Variants in ADK observed in about 807,000 individuals in gnomAD.
ADK encodes the protein adenosine kinase.
In ADK, 24 loss-of-function variants were observed where a neutral mutation model predicts 44.7. The ratio of observed to expected loss-of-function variants is 0.54; its 90% CI spans 0.39 to 0.76. ADK has a LOEUF of 0.76. ADK is among the 30% of genes least tolerant of loss of function. The pLI is 0.00. For synonymous variants in ADK, 128 were observed against 142.6 expected (o/e 0.90, Z 0.73); for missense variants, 321 against 425.1 (o/e 0.76, Z 2.15).
chr10:74,441,957 GTCCCTAATCA>G (rs1425661014), intron 6 of ADK, among the ~76,000 whole-genome samples: 1 of 152,062 alleles, frequency 6.6e-6, no homozygotes, highest in Non-Finnish European at 1.5e-5. Flanking sequence ...CATGTGCAGT[GTCCCTAATCA>G]TCAAAGAAAT....
intron 7 of ADK, among the ~76,000 whole-genome samples, chr10:74,546,861 G>A (rs1337287597): frequency 4.0e-5 from 6 of 151,884 alleles, no homozygotes; most frequent in African/African-American, 1.2e-4. Context: ...ACCTTTAAGC[G>A]ATTTTTTAAA....
chr10:74,442,692 G>A (rs1845462451), intron 6 of ADK, among the ~76,000 whole-genome samples: 1 of 152,134 alleles, frequency 6.6e-6, no homozygotes, highest in Admixed American at 6.6e-5. Flanking sequence ...AAATCAGTAT[G>A]TTGAAGAGAT....
intron 9 of ADK, among the ~76,000 whole-genome samples, chr10:74,649,418 G>C (rs1854175841): frequency 1.3e-5 from 2 of 151,900 alleles, no homozygotes; most frequent in South Asian, 4.2e-4. Flanking sequence ...TTGGGCCCAG[G>C]AGTTCAAGAC....
intron 6 of ADK, among the ~76,000 whole-genome samples, chr10:74,406,355 T>G (rs1305255152): frequency 6.6e-6 from 1 of 152,138 alleles, no homozygotes; most frequent in Non-Finnish European, 1.5e-5. Flanking sequence ...AAGATGTTTA[T>G]CACTGATTTT....
At chr10:74,663,264 T>C (rs1854821025) in intron 9 of ADK, among the ~76,000 whole-genome samples, 1 of 149,524 alleles carries the variant, frequency 6.7e-6, no homozygotes, top group Admixed American at 6.7e-5. Context: ...TATATATATA[T>C]ATATGTATCT....
At chr10:74,452,194 A>C (rs1398588838) in intron 6 of ADK, among the ~76,000 whole-genome samples, 1 of 151,934 alleles carries the variant, frequency 6.6e-6, no homozygotes, top group Non-Finnish European at 1.5e-5. Flanking sequence ...TAAATAAATG[A>C]ATTTTGAATT....
intron 7 of ADK, among the ~76,000 whole-genome samples, chr10:74,577,100 T>A (rs1191676806): frequency 7.0e-6 from 1 of 142,876 alleles, no homozygotes; most frequent in Non-Finnish European, 1.5e-5. Flanking sequence ...TAGTGTTTTG[T>A]ATTATTTCTC....
intron 9 of ADK, among the ~76,000 whole-genome samples, chr10:74,659,541 C>T (rs1383646847): frequency 6.6e-6 from 1 of 152,182 alleles, no homozygotes; most frequent in Non-Finnish European, 1.5e-5. Flanking sequence ...CCTGAATCTC[C>T]TATACTCAAA....
At chr10:74,522,874 A>G (rs962211846) in intron 6 of ADK, among the ~76,000 whole-genome samples, 5 of 151,638 alleles carry the variant, frequency 3.3e-5, no homozygotes, top group African/African-American at 7.3e-5. Flanking sequence ...TCATTCTTCT[A>G]TTTCTCCAAT....
chr10:74,550,049 T>G (rs1247579431), intron 7 of ADK, among the ~76,000 whole-genome samples: 2 of 151,074 alleles, frequency 1.3e-5, no homozygotes, highest in Admixed American at 6.7e-5. Flanking sequence ...TGTCACATGT[T>G]AGCATAAATC....
At chr10:74,563,917 A>C (rs1294453154) in intron 7 of ADK, among the ~76,000 whole-genome samples, 1 of 151,866 alleles carries the variant, frequency 6.6e-6, no homozygotes, top group Non-Finnish European at 1.5e-5. Flanking sequence ...TTATACTTTA[A>C]GTTTTAGGGT....
chr10:74,639,392 G>T (rs1416739249), intron 9 of ADK, among the ~76,000 whole-genome samples: 4 of 152,186 alleles, frequency 2.6e-5, no homozygotes, highest in Non-Finnish European at 5.9e-5. Context: ...TCACTTTTAT[G>T]TATAATAGTG....
At position 74,640,825 on chromosome 10, in the gene ADK, T is replaced by A. The variant is rs186506977; in HGVS notation, c.878-29358T>A. On this transcript the variant is annotated intron_variant, in intron 9 of 10. Coordinates refer to ENST00000539909, the MANE Select transcript of ADK (RefSeq NM_006721.4). ...ATTTTAACAAGCCCAGGTCTAGATGTTAATGTAATGGGAATGTCATATTAA... is the reference window on the plus strand; with the variant it reads ...ATTTTAACAAGCCCAGGTCTAGATGATAATGTAATGGGAATGTCATATTAA... 9.2e-5 allele frequency among the ~76,000 whole-genome samples: 14 copies of A among 152,346 alleles called. No homozygotes were observed. In the East Asian group the frequency reaches 2.5e-3, roughly 27 times the overall value.
intron 6 of ADK, among the ~76,000 whole-genome samples, chr10:74,414,897 T>G (rs1394294050): frequency 1.3e-5 from 2 of 152,224 alleles, no homozygotes; most frequent in African/African-American, 4.8e-5. Flanking sequence ...TCCTGTAATT[T>G]TTCTTAACTC....
chr10:74,254,909 T>A (rs937122242), intron 3 of ADK, among the ~76,000 whole-genome samples: 9 of 152,352 alleles, frequency 5.9e-5, no homozygotes, highest in Non-Finnish European at 8.8e-5. Flanking sequence ...TTGTTCAAAC[T>A]TTTTAATAAC....
At chr10:74,260,284 A>G (rs1845996394) in intron 3 of ADK, among the ~76,000 whole-genome samples, 1 of 152,102 alleles carries the variant, frequency 6.6e-6, no homozygotes, top group African/African-American at 2.4e-5. Context: ...TTGCTTTTTA[A>G]ATTAGAGACA....
rs1039466036 is a variant in ADK at position 74,327,138 on chromosome 10, C to T, written c.273+12393C>T. Among the ~76,000 whole-genome samples the T allele has an allele frequency of 5.5e-4, 84 of 152,096 alleles. 1 individual carries two copies. In the Middle Eastern group the frequency reaches 0.024, roughly 43 times the overall value. On this transcript the variant is annotated intron_variant, in intron 4 of 10. Coordinates refer to ENST00000539909, the MANE Select transcript of ADK (RefSeq NM_006721.4). ...GCAACATTAGGTTTATATCTTTCCT[C>T]TTTGGGGATTTATGTGTTAATTACT...
At chr10:74,533,966 A>G (rs1421594577) in intron 7 of ADK, among the ~76,000 whole-genome samples, 1 of 152,234 alleles carries the variant, frequency 6.6e-6, no homozygotes, top group African/African-American at 2.4e-5. Context: ...TACTATTGAT[A>G]AGAAATGAAC....
At chr10:74,539,510 A>C (rs1849557563) in intron 7 of ADK, among the ~76,000 whole-genome samples, 1 of 152,130 alleles carries the variant, frequency 6.6e-6, no homozygotes, top group Admixed American at 6.5e-5. Flanking sequence ...AAGTATACAG[A>C]AGTGCCCTGT....
Sources: gnomAD v4.1 joint callset for allele counts (sites outside exome capture counted in the v4.1 genomes callset) on GRCh38, gnomAD v4.1.1 for gene constraint, MANE v1.5 for transcripts, NCBI Gene and HGNC (gene_info 2026-07-23, HGNC 2026-07-21) for gene names.